TMEM163: variants seen among roughly 807,000 people sequenced by gnomAD.
TMEM163 encodes transmembrane protein 163.
A neutral mutation model predicts 29.3 loss-of-function variants in TMEM163; 17 were observed. That is an observed-to-expected ratio of 0.58 (90% CI 0.40 to 0.87). The LOEUF is 0.87. Among genes scored for constraint, TMEM163 ranks in the 40% least tolerant of loss-of-function variants. TMEM163 has a pLI of 0.00. For missense variants in TMEM163, 303 were observed against 381.5 expected, an observed-to-expected ratio of 0.79 and a Z score of 1.71; for synonymous variants, 157 against 160.6, an observed-to-expected ratio of 0.98 and a Z score of 0.17.
intron 4 of TMEM163, among the ~76,000 whole-genome samples, chr2:134,516,188 A>G (rs1441014721): frequency 6.6e-6 from 1 of 152,108 alleles, no homozygotes; most frequent in Non-Finnish European, 1.5e-5. Context: ...TCCCTCCCAA[A>G]ACTGTAGCAA....
intron 2 of TMEM163, among the ~76,000 whole-genome samples, chr2:134,586,473 G>C (rs552692460): frequency 6.6e-6 from 1 of 152,156 alleles, no homozygotes; most frequent in Non-Finnish European, 1.5e-5. Context: ...CTTTGCGTGC[G>C]TATCTGTGTC....
chr2:134,516,678 C>T (rs918900428), intron 4 of TMEM163, among the ~76,000 whole-genome samples: 1 of 137,548 alleles, frequency 7.3e-6, no homozygotes, highest in Admixed American at 7.5e-5. Context: ...TATAGTCATA[C>T]ATATATGCAT....
intron 2 of TMEM163, among the ~76,000 whole-genome samples, chr2:134,605,526 C>T (rs565216015): frequency 3.9e-5 from 6 of 151,906 alleles, no homozygotes; most frequent in South Asian, 2.1e-4. Context: ...GGTGAAACCC[C>T]GTCTCTACTA....
At chr2:134,620,404 G>A (rs894399135) in intron 2 of TMEM163, among the ~76,000 whole-genome samples, 1 of 152,082 alleles carries the variant, frequency 6.6e-6, no homozygotes, top group Admixed American at 6.6e-5. Flanking sequence ...TTACAGGCAT[G>A]CGCCATGACC....
chr2:134,477,802 C>T (rs1686954123), intron 5 of TMEM163, among the ~76,000 whole-genome samples: 1 of 152,158 alleles, frequency 6.6e-6, no homozygotes, highest in African/African-American at 2.4e-5. Context: ...CCTCATAGCA[C>T]TTTTCTGTCC....
At chr2:134,578,748 G>C (rs894126129) in intron 2 of TMEM163, among the ~76,000 whole-genome samples, 3 of 152,116 alleles carry the variant, frequency 2.0e-5, no homozygotes, top group Non-Finnish European at 4.4e-5. Flanking sequence ...TAAATAACTG[G>C]TTTGAGTGTG....
chr2:134,503,555 C>A (rs543875495), intron 4 of TMEM163, among the ~76,000 whole-genome samples: 1 of 152,370 alleles, frequency 6.6e-6, no homozygotes, highest in East Asian at 1.9e-4. Context: ...AAAGTCTACT[C>A]TGTCACTTTT....
At chr2:134,611,680 A>T (rs1372866687) in intron 2 of TMEM163, among the ~76,000 whole-genome samples, 1 of 152,164 alleles carries the variant, frequency 6.6e-6, no homozygotes, top group East Asian at 1.9e-4. Context: ...ATGATGCTAG[A>T]CTCAACCCAT....
intron 4 of TMEM163, among the ~76,000 whole-genome samples, chr2:134,514,847 ACAATTGGTTTGGCCT>A (rs1680023630): frequency 6.6e-6 from 1 of 152,192 alleles, no homozygotes; most frequent in African/African-American, 2.4e-5. Context: ...TTCCATGTGC[ACAATTGGTTTGGCCT>A]CATTTCTGCC....
At chr2:134,499,799 A>T (rs1050872029) in intron 5 of TMEM163, among the ~76,000 whole-genome samples, 2 of 152,168 alleles carry the variant, frequency 1.3e-5, no homozygotes, top group African/African-American at 4.8e-5. Flanking sequence ...ACTAAGGGGG[A>T]GGTGTCACTC....
At chr2:134,538,628 AGAAAT>A (rs1318428433) in intron 4 of TMEM163, among the ~76,000 whole-genome samples, 2 of 101,102 alleles carry the variant, frequency 2.0e-5, no homozygotes, top group South Asian at 4.5e-4. Flanking sequence ...ATGCCACAAT[AGAAAT>A]GGAGTACTGC....
chr2:134,703,222 A>G (rs893393703), intron 2 of TMEM163, among the ~76,000 whole-genome samples: 2 of 152,128 alleles, frequency 1.3e-5, no homozygotes, highest in African/African-American at 2.4e-5. Flanking sequence ...TCCCAAAAAA[A>G]GTGGGGAAGG....
intron 2 of TMEM163, among the ~76,000 whole-genome samples, chr2:134,609,875 A>G (rs1243344191): frequency 3.4e-5 from 5 of 148,962 alleles, no homozygotes; most frequent in African/African-American, 1.3e-4. Context: ...CGAGAACTGT[A>G]CTGGTGAAAA....
intron 2 of TMEM163, among the ~76,000 whole-genome samples, chr2:134,565,376 C>T (rs1187439284): frequency 3.3e-5 from 5 of 152,074 alleles, no homozygotes; most frequent in African/African-American, 7.2e-5. Flanking sequence ...GAGGCCGAGG[C>T]AGGTGGATCA....
intron 4 of TMEM163, among the ~76,000 whole-genome samples, chr2:134,542,010 CT>C (rs1680684364): frequency 6.6e-6 from 1 of 152,334 alleles, no homozygotes; most frequent in East Asian, 1.9e-4. Context: ...AAGAAACAAT[CT>C]TTTTATCCCC....
chr2:134,579,361 A>G (rs1486918125), intron 2 of TMEM163, among the ~76,000 whole-genome samples: 3 of 152,246 alleles, frequency 2.0e-5, no homozygotes, highest in Non-Finnish European at 4.4e-5. Context: ...TAATCTATCC[A>G]TCTACAAGTA....
At chr2:134,473,910 A>G (rs1048835432) in intron 5 of TMEM163, among the ~76,000 whole-genome samples, 10 of 152,242 alleles carry the variant, frequency 6.6e-5, no homozygotes, top group Non-Finnish European at 1.3e-4. Flanking sequence ...CAATGCTTTT[A>G]CTGGCAAATC....
Position 134,540,247 on chromosome 2 carries a change from C to T in TMEM163, c.458+10323G>A, listed in dbSNP as rs537913656. On this transcript the variant is annotated intron_variant, in intron 4 of 7. Transcript: ENST00000281924. Reference sequence around the variant, plus strand: ...CCTTGATGGCAAAGCCACAGGGCTGCGGCCCAGTTACTTGTCATGGCTGCC... The same window carrying T: ...CCTTGATGGCAAAGCCACAGGGCTGTGGCCCAGTTACTTGTCATGGCTGCC... Among the ~76,000 whole-genome samples the T allele has an allele frequency of 8.5e-5, 13 of 152,230 alleles. No individual in the cohort carries two copies. In the South Asian group the frequency reaches 1.5e-3, roughly 17 times the overall value.
chr2:134,548,233 A>G (rs1238302968), intron 4 of TMEM163, among the ~76,000 whole-genome samples: 1 of 152,252 alleles, frequency 6.6e-6, no homozygotes, highest in Non-Finnish European at 1.5e-5. Context: ...AGCAAAAAAA[A>G]AATTTAAGTT....
Sources: gnomAD v4.1 joint callset for allele counts (sites outside exome capture counted in the v4.1 genomes callset) on GRCh38, gnomAD v4.1.1 for gene constraint, MANE v1.5 for transcripts, NCBI Gene and HGNC (gene_info 2026-07-23, HGNC 2026-07-21) for gene names.